PDLIM4: variants seen among roughly 807,000 people sequenced by gnomAD.
PDLIM4 encodes PDZ and LIM domain protein 4.
In PDLIM4, 19 loss-of-function variants were observed where a neutral mutation model predicts 31.3. The ratio of observed to expected loss-of-function variants is 0.61; its 90% CI spans 0.42 to 0.89. The LOEUF is 0.89. Ranked by LOEUF, PDLIM4 falls within the 40% of genes least tolerant of loss-of-function variation. The pLI, the probability that PDLIM4 is intolerant of heterozygous loss-of-function variation, is 0.00. For missense variants in PDLIM4, 442 were observed against 461.1 expected (o/e 0.96, Z 0.38); for synonymous variants, 176 against 190.1 (o/e 0.93, Z 0.61).
Position 132,257,910 on chromosome 5 carries a change from T to G in PDLIM4, c.93+83T>G. Reference sequence around the variant, plus strand: ...CGGTCCGCCCGGGACCCAGATCCCCTGTGTATCCGAGGCTTGAAGGCGGAG... The same window carrying G: ...CGGTCCGCCCGGGACCCAGATCCCCGGTGTATCCGAGGCTTGAAGGCGGAG... On this transcript the variant is annotated intron_variant, in intron 1 of 6. Coordinates refer to ENST00000253754, the MANE Select transcript of PDLIM4 (RefSeq NM_003687.4). This position sits in a 1 kb window ranked among gnomAD's most constrained non-coding sequence, Gnocchi z 4.3. The G allele has an allele frequency of 1.3e-6, 1 of 760,702 alleles. No individual in the cohort carries two copies. The highest frequency in any genetic ancestry group is 1.9e-6 in the Non-Finnish European group (1 of 521,100). 47.1% of individuals were successfully genotyped at this position (760,702 alleles called of 1,614,324 possible).
intron 6 of PDLIM4, 28 bp downstream of exon 6, chr5:132,271,936 C>G: frequency 6.3e-7 from 1 of 1,591,382 alleles, no homozygotes; most frequent in South Asian, 1.1e-5. Flanking sequence ...CTGCCCCTCC[C>G]GGACCCTAGC....
chr5:132,269,333 G>C (rs1756555677), intron 3 of PDLIM4, among the ~76,000 whole-genome samples: 1 of 151,600 alleles, frequency 6.6e-6, no homozygotes, highest in Non-Finnish European at 1.5e-5. Context: ...CAAAGCCTCT[G>C]CCCGGAGGCT....
At chr5:132,266,756 C>T (rs146686710) in intron 3 of PDLIM4, 44 of 436,470 alleles carry the variant, frequency 1.0e-4, no homozygotes, top group African/African-American at 6.0e-4. Flanking sequence ...GTCTCTACTC[C>T]GGGCAATCCT....
chr5:132,266,530 C>A lies in PDLIM4; in HGVS notation c.312C>A (p.Ile104=), dbSNP rs145529462. The A allele has an allele frequency of 6.2e-6, 10 of 1,611,058 alleles. 1 individual carries two copies. The South Asian group carries it at 9.9e-5, about 16-fold the overall frequency. The change falls in exon 3 of 7, where the codon ATC becomes ATA. Residue 104 remains isoleucine, a synonymous_variant. Coordinates refer to ENST00000253754, the MANE Select transcript of PDLIM4 (RefSeq NM_003687.4). ...DSKAQAHRIH[I]DPEIQDGSPT... ...AGGCTCAGGCACACAGGATCCACAT[C>A]GATCCTGAGATCCAGGTATGTACAG...
chr5:132,266,787 T>C (rs1388225236), intron 3 of PDLIM4: 1 of 390,148 alleles, frequency 2.6e-6, no homozygotes, highest in African/African-American at 2.1e-5. Flanking sequence ...CCAAGGTGCC[T>C]ATGATGTCCA....
chr5:132,265,206 T>A (rs2126675078), intron 2 of PDLIM4, among the ~76,000 whole-genome samples: 1 of 152,356 alleles, frequency 6.6e-6, no homozygotes, highest in South Asian at 2.1e-4. Context: ...AAGCCCTTCA[T>A]TCTGATCTGA....
At chr5:132,266,314 A>G (rs1756490660) in intron 2 of PDLIM4, 150 bp from the exon 3 acceptor site, 3 of 593,360 alleles carry the variant, frequency 5.1e-6, no homozygotes, top group South Asian at 2.2e-5. Context: ...CATTGCCACA[A>G]CAGTCACCAT....
intron 2 of PDLIM4, among the ~76,000 whole-genome samples, chr5:132,263,400 C>G (rs1034129744): frequency 4.6e-5 from 7 of 152,108 alleles, no homozygotes; most frequent in Non-Finnish European, 8.8e-5. Context: ...GGGAAAAGTT[C>G]CCACTAAGGA....
intron 3 of PDLIM4, among the ~76,000 whole-genome samples, chr5:132,269,734 C>T (rs953110427): frequency 6.6e-6 from 1 of 152,316 alleles, no homozygotes; most frequent in East Asian, 1.9e-4. Context: ...ACTGGGCTCT[C>T]TGACCACACT....
At chr5:132,258,426 A>G (rs543276057) in intron 1 of PDLIM4, among the ~76,000 whole-genome samples, 1 of 152,312 alleles carries the variant, frequency 6.6e-6, no homozygotes, top group South Asian at 2.1e-4. Context: ...TGAGGTTGTG[A>G]GACCCCTCCC....
rs183422945 is a variant in PDLIM4, at chr5:132,260,144, A to T, written c.93+2317A>T. 2.6e-3 allele frequency among the ~76,000 whole-genome samples: 395 copies of T among 152,278 alleles called. No homozygotes were observed. The Middle Eastern group carries it at 0.027, about 10-fold the overall frequency. ...TCCAGGCAGTCTGCAGTTTGCTGTG[A>T]CTGTGTAGGACAATGTGGCACCTGG... On this transcript the variant is annotated intron_variant, in intron 1 of 6. Coordinates refer to ENST00000253754, the MANE Select transcript of PDLIM4 (RefSeq NM_003687.4).
chr5:132,271,330 G>T lies in PDLIM4; in HGVS notation c.534G>T (p.Arg178=). ...PSADPARGLP[R]SRDCRVDLGS... Reference sequence around the variant, plus strand: ...CTGACCCAGCCAGAGGCCTCCCGCGGAGCCGGGACTGCAGAGTCGACCTGG... The same window carrying T: ...CTGACCCAGCCAGAGGCCTCCCGCGTAGCCGGGACTGCAGAGTCGACCTGG... The change falls in exon 5 of 7, where the codon CGG becomes CGT. Residue 178 remains arginine (R), a synonymous_variant. Transcript: ENST00000253754. 6.3e-7 allele frequency: 1 copy of T among 1,598,286 alleles called. No individual in the cohort carries two copies. Among genetic ancestry groups the T allele is most frequent in the Non-Finnish European group, 8.5e-7 (1 of 1,174,060 alleles).
intron 1 of PDLIM4, among the ~76,000 whole-genome samples, chr5:132,260,423 A>T (rs1580796965): frequency 6.6e-6 from 1 of 151,636 alleles, no homozygotes; most frequent in African/African-American, 2.4e-5. Flanking sequence ...CCAGCTTCCC[A>T]CCCGGGTGTA....
chr5:132,264,219 C>G (rs1389724274), intron 2 of PDLIM4, among the ~76,000 whole-genome samples: 1 of 151,986 alleles, frequency 6.6e-6, no homozygotes, highest in East Asian at 1.9e-4. Flanking sequence ...GGGTGGAGGT[C>G]CCCCTCCTTC....
chr5:132,260,002 T>C (rs1049301746), intron 1 of PDLIM4, among the ~76,000 whole-genome samples: 1 of 152,190 alleles, frequency 6.6e-6, no homozygotes, highest in African/African-American at 2.4e-5. Flanking sequence ...TTTTCTCAAA[T>C]AGTCCTTACA....
chr5:132,260,410 A>G (rs1386031463), intron 1 of PDLIM4, among the ~76,000 whole-genome samples: 1 of 152,212 alleles, frequency 6.6e-6, no homozygotes, highest in South Asian at 2.1e-4. Context: ...CCCAGGAGAA[A>G]TGCCAGCTTC....
At chr5:132,268,088 G>A (rs1310423807) in intron 3 of PDLIM4, among the ~76,000 whole-genome samples, 1 of 152,148 alleles carries the variant, frequency 6.6e-6, no homozygotes, top group Non-Finnish European at 1.5e-5. Flanking sequence ...GCTGGCGACT[G>A]TAGAGCAGCT....
intron 1 of PDLIM4, chr5:132,261,496 A>G (rs1222428598): frequency 6.6e-6 from 1 of 152,306 alleles, no homozygotes; most frequent in African/African-American, 2.4e-5. Context: ...GAATGGGGTC[A>G]CTGGCAGCTT....
At chr5:132,262,490 A>G in intron 1 of PDLIM4, 119 bp from the exon 2 acceptor site, 3 of 919,494 alleles carry the variant, frequency 3.3e-6, no homozygotes, top group Non-Finnish European at 4.7e-6. Context: ...GCCCATCCAC[A>G]GGCCATGCTG....
Sources: gnomAD v4.1 joint callset for allele counts (sites outside exome capture counted in the v4.1 genomes callset) on GRCh38, gnomAD v4.1.1 for gene constraint, Gnocchi (gnomAD v3.1) non-coding constraint, MANE v1.5 for transcripts, NCBI Gene and HGNC (gene_info 2026-07-23, HGNC 2026-07-21) for gene names.